SPATA21: variants seen among roughly 807,000 people sequenced by gnomAD.
SPATA21 encodes spermatogenesis-associated protein 21.
Under a neutral mutation model 54.8 loss-of-function variants are expected in SPATA21, and 47 were observed. The ratio of observed to expected loss-of-function variants is 0.86; its 90% CI spans 0.68 to 1.09. SPATA21 has a LOEUF of 1.09. Among genes scored for constraint, SPATA21 ranks in the 50% least tolerant of loss-of-function variants. The pLI is 0.00. For missense variants in SPATA21, 599 were observed against 596.4 expected, an observed-to-expected ratio of 1.00 and a Z score of -0.05; for synonymous variants, 245 against 235.3, an observed-to-expected ratio of 1.04 and a Z score of -0.38.
At chr1:16,435,106 C>G (rs1387431195) in intron 1 of SPATA21, among the ~76,000 whole-genome samples, 1 of 152,166 alleles carries the variant, frequency 6.6e-6, no homozygotes, top group Non-Finnish European at 1.5e-5. Context: ...ATCCTCCCGC[C>G]TCAGCCTCCC....
At chr1:16,410,321 T>C (rs1200224815) in intron 5 of SPATA21, among the ~76,000 whole-genome samples, 1 of 151,706 alleles carries the variant, frequency 6.6e-6, no homozygotes, top group Non-Finnish European at 1.5e-5. Context: ...TCTCAGCTCA[T>C]TGCAGCCTTG....
rs1462195143 is a variant in SPATA21, at chr1:16,428,085, C to A, written c.34+3253G>T. On this transcript the variant is annotated intron_variant, in intron 3 of 12. Transcript: ENST00000335496. The surrounding 1 kb of genome is among the most constrained non-coding windows in gnomAD (Gnocchi z 4.3). The stretch of plus-strand genomic sequence containing the variant: ...GTACCCGTTCTGGAGTGATCCCTCC[C>A]ACTCCTCCCTGGGTACTCTTCTGGC... 6 of 1,496,106 alleles carry A rather than the reference C, an allele frequency of 4.0e-6. No individual in the cohort carries two copies. Among genetic ancestry groups the A allele is most frequent in the African/African-American group, 1.4e-5 (1 of 72,448 alleles). The allele number at this position is 1,496,106 out of a possible 1,614,324, so 92.7% of individuals were successfully genotyped here. A position where few individuals can be genotyped will look rare whatever the true frequency, so the allele number is the denominator to read the frequency against.
At position 16,421,893 on chromosome 1, in the gene SPATA21, C is replaced by A; in HGVS notation, c.95+18G>T. 1.2e-6 allele frequency: 2 copies of A among 1,614,206 alleles called. No individual in the cohort carries two copies. The highest frequency in any genetic ancestry group is 1.7e-6 in the Non-Finnish European group (2 of 1,180,038). The stretch of plus-strand genomic sequence containing the variant: ...CATCCTTGTTGGGGGCAGGGGATGG[C>A]ACTGGATGATGACTTACCCTCCTTT... On this transcript the variant is annotated intron_variant, in intron 4 of 12. Transcript: ENST00000335496. The surrounding 1 kb of genome is among the most constrained non-coding windows in gnomAD (Gnocchi z 5.2).
chr1:16,435,303 T>C (rs1462980989), intron 1 of SPATA21, among the ~76,000 whole-genome samples: 2 of 151,806 alleles, frequency 1.3e-5, no homozygotes, highest in Non-Finnish European at 2.9e-5. Flanking sequence ...TTTGGAAAAA[T>C]GTTTATTCAG....
intron 3 of SPATA21, chr1:16,427,910 G>A (rs1419596095): frequency 6.5e-6 from 10 of 1,550,126 alleles, no homozygotes; most frequent in Non-Finnish European, 8.7e-6. Context: ...AGCTCTGAAG[G>A]CCCCTTCTCA....
chr1:16,415,450 T>G (rs2085974664), intron 5 of SPATA21, among the ~76,000 whole-genome samples: 1 of 152,226 alleles, frequency 6.6e-6, no homozygotes, highest in African/African-American at 2.4e-5. Context: ...CCCATGGCCC[T>G]CTGGGGACTA....
intron 3 of SPATA21, chr1:16,425,440 T>G: frequency 7.1e-7 from 1 of 1,404,512 alleles, no homozygotes; most frequent in Middle Eastern, 2.5e-4. Flanking sequence ...TGCACCAGAA[T>G]GGGGGGCATG....
intron 3 of SPATA21, chr1:16,427,910 GCCCCTT>G (rs1428926253): frequency 1.9e-6 from 3 of 1,550,008 alleles, no homozygotes; most frequent in Admixed American, 3.9e-5. Flanking sequence ...AGCTCTGAAG[GCCCCTT>G]CTCAAATGCA....
intron 3 of SPATA21, chr1:16,427,909 G>GA (rs1361081454): frequency 1.9e-6 from 3 of 1,550,042 alleles, no homozygotes; most frequent in Admixed American, 3.9e-5. Context: ...GAGCTCTGAA[G>GA]GCCCCTTCTC....
At chr1:16,425,904 T>A (rs1266187744) in intron 3 of SPATA21, among the ~76,000 whole-genome samples, 1 of 152,056 alleles carries the variant, frequency 6.6e-6, no homozygotes, top group Non-Finnish European at 1.5e-5. Flanking sequence ...TTGGGGGAGT[T>A]AAAATTTAAA....
rs1248121202 is a variant in SPATA21, at chr1:16,421,722, G to A, written c.96-165C>T. On this transcript the variant is annotated intron_variant, in intron 4 of 12. Coordinates refer to ENST00000335496, the MANE Select transcript of SPATA21 (RefSeq NM_198546.1). The surrounding 1 kb of genome is among the most constrained non-coding windows in gnomAD (Gnocchi z 5.2). ...TGTCCCCACATCCTCATATATACAG[G>A]CTCACGGAACCAAGAATTCTGGTAT... Among the ~76,000 whole-genome samples, 2 of 152,020 alleles carry A rather than the reference G, an allele frequency of 1.3e-5. No homozygotes were observed. Among genetic ancestry groups the A allele is most frequent in the African/African-American group, 4.8e-5 (2 of 41,392 alleles).
Position 16,399,487 on chromosome 1 carries a change from G to A in SPATA21, c.1209C>T (p.Pro403=). 6.2e-7 allele frequency: 1 copy of A among 1,613,970 alleles called. No homozygotes were observed. The highest frequency in any genetic ancestry group is 8.5e-7 in the Non-Finnish European group (1 of 1,180,008). Residue 403 remains proline, a synonymous_variant, in exon 12 of 13, where the codon CCC becomes CCT. Transcript: ENST00000335496. ...PNLQSPYAQV[P]CILLCPQLDK... is the part of the protein sequence containing the mutation. ...CCAGCTGTGGGCAGAGCAGGATGCA[G>A]GGCACCTGGGCATAGGGGCTCTGCA...
At chr1:16,432,364 C>T (rs1367842972) in intron 2 of SPATA21, among the ~76,000 whole-genome samples, 3 of 151,916 alleles carry the variant, frequency 2.0e-5, no homozygotes, top group South Asian at 2.1e-4. Flanking sequence ...TCAAGTGATC[C>T]GCCCGCCTCG....
chr1:16,407,872 C>T (rs887704267), intron 7 of SPATA21, among the ~76,000 whole-genome samples: 8 of 152,118 alleles, frequency 5.3e-5, no homozygotes, highest in Non-Finnish European at 1.2e-4. Context: ...CTCAAGTGAT[C>T]CTCCCACCTC....
At chr1:16,411,722 A>G (rs1004108050) in intron 5 of SPATA21, among the ~76,000 whole-genome samples, 3 of 149,328 alleles carry the variant, frequency 2.0e-5, no homozygotes, top group Non-Finnish European at 4.4e-5. Flanking sequence ...CCCAGGAGGC[A>G]GAGGTTGCAG....
Position 16,415,582 on chromosome 1 carries a change from C to T in SPATA21, c.145-5539G>A, listed in dbSNP as rs539716081. 3.2e-4 allele frequency among the ~76,000 whole-genome samples: 48 copies of T among 152,174 alleles called. 2 individuals carry two copies. Among genetic ancestry groups the T allele is most frequent in the Middle Eastern group, 3.4e-3 (1 of 294 alleles). ...TATTATTATTATTCTTTTTTAGAGA[C>T]GGAGTCTCGCTCTGTCACCCAGGCT... is the stretch of plus-strand genomic sequence containing the variant. On this transcript the variant is annotated intron_variant, in intron 5 of 12. Coordinates refer to ENST00000335496, the MANE Select transcript of SPATA21 (RefSeq NM_198546.1).
chr1:16,402,847 G>A (rs1253049345), intron 10 of SPATA21, among the ~76,000 whole-genome samples: 1 of 152,176 alleles, frequency 6.6e-6, no homozygotes, highest in Non-Finnish European at 1.5e-5. Context: ...GATTGATTGA[G>A]CCCAGGAGGT....
At chr1:16,412,171 C>T (rs891133501) in intron 5 of SPATA21, among the ~76,000 whole-genome samples, 1 of 152,174 alleles carries the variant, frequency 6.6e-6, no homozygotes, top group African/African-American at 2.4e-5. Flanking sequence ...GATTTGTCCT[C>T]AGTCCTTCCC....
intron 2 of SPATA21, 80 bp from the exon 3 acceptor site, chr1:16,431,502 T>G (rs894555144): frequency 3.6e-6 from 5 of 1,376,024 alleles, no homozygotes; most frequent in African/African-American, 2.9e-5. Flanking sequence ...GAGCCTATAA[T>G]GTAGACAGCC....
Sources: gnomAD v4.1 joint callset for allele counts (sites outside exome capture counted in the v4.1 genomes callset) on GRCh38, gnomAD v4.1.1 for gene constraint, Gnocchi (gnomAD v3.1) non-coding constraint, MANE v1.5 for transcripts, NCBI Gene and HGNC (gene_info 2026-07-23, HGNC 2026-07-21) for gene names.